Variants in NPAS2 observed in about 807,000 individuals in gnomAD.
NPAS2 encodes neuronal PAS domain-containing protein 2.
Under a neutral mutation model 107.5 loss-of-function variants are expected in NPAS2, and 23 were observed. The ratio of observed to expected loss-of-function variants is 0.21; its 90% CI spans 0.15 to 0.30. NPAS2 has a LOEUF of 0.30. Ranked by LOEUF, NPAS2 falls within the 10% of genes least tolerant of loss-of-function variation. The pLI is 1.00. For synonymous variants in NPAS2, 403 were observed against 417.5 expected, an observed-to-expected ratio of 0.97 and a Z score of 0.42; for missense variants, 756 against 1,043.3, an observed-to-expected ratio of 0.72 and a Z score of 3.79.
intron 3 of NPAS2, 46 bp from the exon 4 acceptor site, chr2:100,932,864 T>G: frequency 7.6e-7 from 1 of 1,313,828 alleles, no homozygotes; most frequent in South Asian, 1.2e-5. Context: ...AATTCCAATT[T>G]CTAGGTGCCA....
chr2:100,872,781 T>C (rs1679658353), intron 1 of NPAS2, among the ~76,000 whole-genome samples: 1 of 152,172 alleles, frequency 6.6e-6, no homozygotes, highest in African/African-American at 2.4e-5. Flanking sequence ...GTCTCTTGTC[T>C]GCTAACTCTG....
chr2:100,842,427 T>C (rs765117980), intron 1 of NPAS2, among the ~76,000 whole-genome samples: 17 of 152,004 alleles, frequency 1.1e-4, no homozygotes, highest in Admixed American at 1.1e-3. Context: ...TGCGCCCACA[T>C]AGAAAGTTTC....
chr2:100,846,611 T>A (rs1381798827), intron 1 of NPAS2, among the ~76,000 whole-genome samples: 1 of 152,236 alleles, frequency 6.6e-6, no homozygotes, highest in Non-Finnish European at 1.5e-5. Flanking sequence ...ATTATTCATG[T>A]CTTTAAGTTA....
In NPAS2 at chr2:100,956,575, G is replaced by A. The variant is rs73945848; in HGVS notation, c.598+7095G>A. Among the ~76,000 whole-genome samples the A allele has an allele frequency of 3.6e-3, 548 of 152,206 alleles. 3 individuals are homozygous for A. Among genetic ancestry groups the A allele is most frequent in the African/African-American group, 0.012 (500 of 41,502 alleles). On this transcript the variant is annotated intron_variant, in intron 7 of 20. Coordinates refer to ENST00000335681, the MANE Select transcript of NPAS2 (RefSeq NM_002518.4). ...TTTTCATAGCTGTATAGTATTCCAC[G>A]GCTAACGCGCTCTCTTCTTGCTCCT...
At chr2:100,893,939 G>C (rs17024933) in intron 1 of NPAS2, among the ~76,000 whole-genome samples, 8,306 of 152,260 alleles carry the variant, frequency 0.055, 734 homozygotes, top group African/African-American at 0.19. Context: ...GCCTTTCCGT[G>C]CGTGCTGCAT....
At chr2:100,873,407 C>G (rs1679751885) in intron 1 of NPAS2, among the ~76,000 whole-genome samples, 1 of 146,976 alleles carries the variant, frequency 6.8e-6, no homozygotes, top group Admixed American at 6.9e-5. Context: ...TTTGAAAACA[C>G]ACAAGGAAGC....
intron 2 of NPAS2, among the ~76,000 whole-genome samples, chr2:100,917,190 C>T (rs1558869870): frequency 6.6e-6 from 1 of 152,012 alleles, no homozygotes; most frequent in Non-Finnish European, 1.5e-5. Flanking sequence ...AAATTAGAAA[C>T]AGAAAAACAA....
chr2:100,924,802 G>A (rs553432179), intron 2 of NPAS2, among the ~76,000 whole-genome samples: 90 of 152,318 alleles, frequency 5.9e-4, no homozygotes, highest in Non-Finnish European at 1.1e-3. Context: ...AGGGCTCTCC[G>A]AGCACAGCCA....
rs892053208 is a variant in NPAS2 at position 100,965,590 on chromosome 2, G to T, written c.801-70G>T. On this transcript the variant is annotated intron_variant, in intron 9 of 20. Coordinates refer to ENST00000335681, the MANE Select transcript of NPAS2 (RefSeq NM_002518.4). This position sits in a 1 kb window ranked among gnomAD's most constrained non-coding sequence, Gnocchi z 4.3. ...CCTCCATGTTGATCATTATGGAAAG[G>T]CATGGCCACCAGGGTGAGCCCTGCA... is the stretch of plus-strand genomic sequence containing the variant. 2 of 923,696 alleles carry T rather than the reference G, an allele frequency of 2.2e-6. No individual in the cohort carries two copies. Among genetic ancestry groups the T allele is most frequent in the African/African-American group, 1.7e-5 (1 of 60,340 alleles). 57.2% of individuals were successfully genotyped at this position (923,696 alleles called of 1,614,324 possible).
intron 5 of NPAS2, among the ~76,000 whole-genome samples, chr2:100,945,974 G>C (rs894315539): frequency 2.0e-5 from 3 of 152,218 alleles, no homozygotes; most frequent in Admixed American, 6.5e-5. Context: ...GGATGTGGTG[G>C]TGAACAAGGC....
intron 20 of NPAS2, chr2:100,994,704 T>C (rs961322257): frequency 1.3e-5 from 2 of 152,140 alleles, no homozygotes; most frequent in African/African-American, 4.8e-5. Context: ...CACTGCAGAG[T>C]CTGATGTCCA....
chr2:100,923,701 G>C (rs1045565361), intron 2 of NPAS2, among the ~76,000 whole-genome samples: 6 of 152,132 alleles, frequency 3.9e-5, no homozygotes, highest in African/African-American at 1.4e-4. Flanking sequence ...TGGGGCCCCT[G>C]TTCTCTCTCA....
At chr2:100,874,547 G>C (rs903699724) in intron 1 of NPAS2, among the ~76,000 whole-genome samples, 1 of 152,030 alleles carries the variant, frequency 6.6e-6, no homozygotes, top group Non-Finnish European at 1.5e-5. Context: ...TTCGAGACCA[G>C]CCTGACCAGC....
chr2:100,860,140 G>A (rs1678848622), intron 1 of NPAS2, among the ~76,000 whole-genome samples: 1 of 152,186 alleles, frequency 6.6e-6, no homozygotes, highest in Non-Finnish European at 1.5e-5. Context: ...TTGTCTTCTG[G>A]TGTTTAGTTT....
At chr2:100,857,081 G>A (rs1678622192) in intron 1 of NPAS2, among the ~76,000 whole-genome samples, 2 of 152,064 alleles carry the variant, frequency 1.3e-5, no homozygotes, top group African/African-American at 4.8e-5. Context: ...CGAGGTGGGC[G>A]GATCACCTGA....
In NPAS2 at chr2:100,968,435, C is replaced by A; in HGVS notation, c.1055+7C>A. On this transcript the variant is annotated splice_region_variant and intron_variant, in intron 11 of 20. Transcript: ENST00000335681. The surrounding 1 kb of genome is among the most constrained non-coding windows in gnomAD (Gnocchi z 5.3). ...GCACACACTCGGTGGTCAGGTACCG[C>A]GCACGGGCAGGGGTGCGGCTGCGTC... 1 of 1,612,838 alleles carries A rather than the reference C, an allele frequency of 6.2e-7. No individual in the cohort carries two copies.
intron 1 of NPAS2, among the ~76,000 whole-genome samples, chr2:100,897,128 C>T (rs1681462603): frequency 6.6e-6 from 1 of 152,102 alleles, no homozygotes; most frequent in African/African-American, 2.4e-5. Flanking sequence ...CATGAGCACC[C>T]ACTCCTATCA....
In NPAS2 at chr2:100,964,899, T is replaced by A; in HGVS notation, c.756T>A (p.Thr252=). 6.3e-7 allele frequency: 1 copy of A among 1,577,378 alleles called. No individual in the cohort carries two copies. Among genetic ancestry groups the A allele is most frequent in the Non-Finnish European group, 8.5e-7 (1 of 1,170,826 alleles). The stretch of plus-strand genomic sequence containing the variant: ...TTGACGAACCTTTAGAGGAATTCAC[T>A]TCAAGGCATAGCTTGGAATGGAAAT... ...CIVDEPLEEF[T]SRHSLEWKFL... is the part of the protein sequence containing the mutation. Residue 252 remains threonine (T), a synonymous_variant, in exon 9 of 21, where the codon ACT becomes ACA. Coordinates refer to ENST00000335681, the MANE Select transcript of NPAS2 (RefSeq NM_002518.4).
intron 1 of NPAS2, among the ~76,000 whole-genome samples, chr2:100,873,297 TATATATATATACACACACAC>T (rs1478586252): frequency 1.9e-4 from 8 of 42,606 alleles, no homozygotes; most frequent in African/African-American, 6.2e-4. Flanking sequence ...TATATATATA[TATATATATATACACACACAC>T]ACACACACAC....
Sources: allele counts gnomAD v4.1 joint callset (sites outside exome capture counted in the v4.1 genomes callset), GRCh38; gene constraint gnomAD v4.1.1; non-coding constraint Gnocchi (gnomAD v3.1); transcripts MANE v1.5; gene names NCBI Gene and HGNC (gene_info 2026-07-23, HGNC 2026-07-21).